Variants in MSH3 observed in about 807,000 individuals in gnomAD.
MSH3 encodes the protein mutS homolog 3, also known as DNA mismatch repair protein Msh3.
Under a neutral mutation model 123.3 loss-of-function variants are expected in MSH3, and 106 were observed. The observed-to-expected ratio is 0.86, with a 90% CI of 0.73 to 1.01. The LOEUF (loss-of-function observed/expected upper bound fraction) is 1.01. MSH3 is among the 50% of genes least tolerant of loss of function. The pLI is 0.00. For missense variants in MSH3, 1,459 were observed against 1,347.6 expected, an observed-to-expected ratio of 1.08 and a Z score of -1.29; for synonymous variants, 515 against 481.4, an observed-to-expected ratio of 1.07 and a Z score of -0.91.
intron 19 of MSH3, among the ~76,000 whole-genome samples, chr5:80,805,120 A>G (rs567992230): frequency 3.3e-5 from 5 of 152,232 alleles, no homozygotes; most frequent in Non-Finnish European, 7.3e-5. Flanking sequence ...GTTCTAGTGT[A>G]ACAACTTTCA....
intron 17 of MSH3, 151 bp from the exon 18 acceptor site, chr5:80,787,414 G>T: frequency 1.4e-6 from 1 of 693,746 alleles, no homozygotes. Flanking sequence ...AAAGCTGTTT[G>T]GTGTAATCTC....
At chr5:80,777,149 C>T (rs1488867829) in intron 16 of MSH3, among the ~76,000 whole-genome samples, 5 of 151,666 alleles carry the variant, frequency 3.3e-5, no homozygotes, top group South Asian at 2.1e-4. Flanking sequence ...AGGCTGGTCT[C>T]GAACTCAAGT....
In MSH3 at chr5:80,672,775, T is replaced by TA; in HGVS notation, c.947dup (p.Ala317GlyfsTer36). 3 of 1,614,172 alleles carry TA rather than the reference T, an allele frequency of 1.9e-6. No individual in the cohort carries two copies. The highest frequency in any genetic ancestry group is 2.5e-6 in the Non-Finnish European group (3 of 1,180,006). On this transcript the variant is annotated frameshift_variant, in exon 6 of 24. Transcript: ENST00000265081. LOFTEE classifies it high-confidence loss of function. ...GTGAAGCAAACTGAAACTGCAGCAT[T>TA]AAAGGCCATTGGAGACAACAGAAGT...
Position 80,777,602 on chromosome 5 carries a change from C to T in MSH3, c.2319-1118C>T, listed in dbSNP as rs6151815. Among the ~76,000 whole-genome samples the T allele has an allele frequency of 9.3e-3, 1,419 of 152,176 alleles. 7 individuals are homozygous for T. Among genetic ancestry groups the T allele is most frequent in the Middle Eastern group, 0.044 (13 of 294 alleles). On this transcript the variant is annotated intron_variant, in intron 16 of 23. Transcript: ENST00000265081. Reference sequence around the variant, plus strand: ...TCAGTGACACCATCTTTCACATGTTCAGTAATGTAAATTGAATCAACAGAT... The same window carrying T: ...TCAGTGACACCATCTTTCACATGTTTAGTAATGTAAATTGAATCAACAGAT...
chr5:80,833,240 T>C (rs2112081139), intron 20 of MSH3, among the ~76,000 whole-genome samples: 1 of 152,206 alleles, frequency 6.6e-6, no homozygotes, highest in Non-Finnish European at 1.5e-5. Context: ...TTCTGTCTAC[T>C]CAGGGCAAAC....
chr5:80,678,262 A>G (rs535974853), intron 7 of MSH3, among the ~76,000 whole-genome samples: 2 of 152,320 alleles, frequency 1.3e-5, no homozygotes, highest in South Asian at 4.1e-4. Context: ...GACCTTGGCT[A>G]GAAACTTCCT....
At chr5:80,845,777 CT>C (rs1745709083) in intron 20 of MSH3, among the ~76,000 whole-genome samples, 1 of 152,140 alleles carries the variant, frequency 6.6e-6, no homozygotes, top group African/African-American at 2.4e-5. Flanking sequence ...CTTCTCGACA[CT>C]GTTTATTCTA....
At chr5:80,772,822 G>A (rs1202934548) in intron 15 of MSH3, among the ~76,000 whole-genome samples, 3 of 152,190 alleles carry the variant, frequency 2.0e-5, no homozygotes. Flanking sequence ...ACTCTGAGGA[G>A]GAACCCAGGC....
At chr5:80,753,829 C>T (rs1220375370) in intron 12 of MSH3, among the ~76,000 whole-genome samples, 1 of 152,112 alleles carries the variant, frequency 6.6e-6, no homozygotes, top group Non-Finnish European at 1.5e-5. Context: ...AACTGATATT[C>T]AGCAGTGGAA....
At chr5:80,728,473 G>GT (rs965292790) in intron 9 of MSH3, among the ~76,000 whole-genome samples, 8 of 151,562 alleles carry the variant, frequency 5.3e-5, no homozygotes, top group African/African-American at 7.3e-5. Context: ...GTGGTCTCTA[G>GT]TTTTTTTTTA....
chr5:80,749,831 CTT>C (rs1263958613), intron 12 of MSH3, among the ~76,000 whole-genome samples: 1 of 152,036 alleles, frequency 6.6e-6, no homozygotes, highest in Non-Finnish European at 1.5e-5. Context: ...CTAACCAAAA[CTT>C]TGCACCAGTT....
At chr5:80,790,803 G>T (rs1485589251) in intron 18 of MSH3, among the ~76,000 whole-genome samples, 1 of 152,106 alleles carries the variant, frequency 6.6e-6, no homozygotes, top group Non-Finnish European at 1.5e-5. Flanking sequence ...ATTGACAGAA[G>T]GCCTTTCATA....
chr5:80,831,468 T>G lies in MSH3; in HGVS notation c.2813+17727T>G, dbSNP rs143611027. Among the ~76,000 whole-genome samples the G allele has an allele frequency of 6.3e-3, 965 of 152,320 alleles. 7 individuals carry two copies. Among genetic ancestry groups the G allele is most frequent in the South Asian group, 0.049 (236 of 4,828 alleles). On this transcript the variant is annotated intron_variant, in intron 20 of 23. Coordinates refer to ENST00000265081, the MANE Select transcript of MSH3 (RefSeq NM_002439.5). ...TCCATTTCTGAGTTATTGTTTATGTTTAATTAAATACAAGACAGATTTACT... is the reference window on the plus strand; with the variant it reads ...TCCATTTCTGAGTTATTGTTTATGTGTAATTAAATACAAGACAGATTTACT...
chr5:80,723,403 G>A lies in MSH3; in HGVS notation c.1341-2050G>A, dbSNP rs531299109. ...AGTAACATTATAAATCATCAGGGAC[G>A]TATGGAATGCTAATTGCTGCTTTGA... On this transcript the variant is annotated intron_variant, in intron 8 of 23. Coordinates refer to ENST00000265081, the MANE Select transcript of MSH3 (RefSeq NM_002439.5). 1.6e-4 allele frequency among the ~76,000 whole-genome samples: 25 copies of A among 152,216 alleles called. No homozygotes were observed. In the South Asian group the frequency reaches 1.9e-3, roughly 11 times the overall value.
Position 80,832,923 on chromosome 5 carries a change from G to C in MSH3, c.2813+19182G>C, listed in dbSNP as rs367781476. 4.6e-5 allele frequency among the ~76,000 whole-genome samples: 7 copies of C among 152,182 alleles called. 1 individual carries two copies. Among genetic ancestry groups the C allele is most frequent in the African/African-American group, 1.7e-4 (7 of 41,528 alleles). Reference sequence around the variant, plus strand: ...TAGCATTTTCCTTGCAAAAGGCCCAGAGATTGTGATTTGAAGGGACAGAAG... The same window carrying C: ...TAGCATTTTCCTTGCAAAAGGCCCACAGATTGTGATTTGAAGGGACAGAAG... On this transcript the variant is annotated intron_variant, in intron 20 of 23. Coordinates refer to ENST00000265081, the MANE Select transcript of MSH3 (RefSeq NM_002439.5).
chr5:80,852,446 T>A, intron 20 of MSH3, among the ~76,000 whole-genome samples: 1 of 152,228 alleles, frequency 6.6e-6, no homozygotes, highest in East Asian at 1.9e-4. Context: ...GCCAAAGATT[T>A]CTTTCTGTCA....
intron 14 of MSH3, among the ~76,000 whole-genome samples, chr5:80,768,342 C>T (rs1029153321): frequency 6.6e-6 from 1 of 152,112 alleles, no homozygotes; most frequent in African/African-American, 2.4e-5. Flanking sequence ...ATATAGTACT[C>T]CCCCACATAT....
Position 80,736,744 on chromosome 5 carries a change from C to CA in MSH3, c.1569-4720_1569-4719insA, listed in dbSNP as rs576191450. Among the ~76,000 whole-genome samples, 8 of 152,274 alleles carry CA rather than the reference C, an allele frequency of 5.3e-5. No individual in the cohort carries two copies. In the East Asian group the frequency reaches 1.2e-3, roughly 22 times the overall value. On this transcript the variant is annotated intron_variant, in intron 10 of 23. Coordinates refer to ENST00000265081, the MANE Select transcript of MSH3 (RefSeq NM_002439.5). ...CATAGAAACCATGGGTGCTGAGTCT[C>CA]TAATGAGTTCCCTGGTGGACAGCAT...
chr5:80,846,496 A>G (rs1745724049), intron 20 of MSH3, among the ~76,000 whole-genome samples: 1 of 152,056 alleles, frequency 6.6e-6, no homozygotes, highest in African/African-American at 2.4e-5. Flanking sequence ...TCATTCTGCT[A>G]TGCCCTGCCC....
Sources: gnomAD v4.1 joint callset for allele counts (sites outside exome capture counted in the v4.1 genomes callset) on GRCh38, gnomAD v4.1.1 for gene constraint, MANE v1.5 for transcripts, NCBI Gene and HGNC (gene_info 2026-07-23, HGNC 2026-07-21) for gene names.